EYS: variants seen among roughly 807,000 people sequenced by gnomAD.
The protein encoded by EYS is protein eyes shut homolog.
A neutral mutation model predicts 282.1 loss-of-function variants in EYS; 250 were observed. The ratio of observed to expected loss-of-function variants is 0.89; its 90% CI spans 0.80 to 0.98. The LOEUF (loss-of-function observed/expected upper bound fraction) is 0.98. EYS is among the 50% of genes least tolerant of loss of function. The pLI is 0.00. For synonymous variants in EYS, 1,355 were observed against 1,282.9 expected (o/e 1.06, Z -1.20); for missense variants, 4,016 against 3,709.0 (o/e 1.08, Z -2.15).
chr6:64,568,898 G>A (rs182680963), intron 26 of EYS, among the ~76,000 whole-genome samples: 4 of 151,998 alleles, frequency 2.6e-5, no homozygotes, highest in Non-Finnish European at 5.9e-5. Context: ...GACTGAATGT[G>A]AGAAGGAAAA....
At chr6:65,487,772 T>G (rs12987280) in intron 5 of EYS, among the ~76,000 whole-genome samples, 1 of 152,116 alleles carries the variant, frequency 6.6e-6, no homozygotes, top group Non-Finnish European at 1.5e-5. Flanking sequence ...TTTGTACTTA[T>G]GGTAGAATTT....
chr6:65,258,543 G>C (rs58838044), intron 12 of EYS, among the ~76,000 whole-genome samples: 1 of 151,858 alleles, frequency 6.6e-6, no homozygotes, highest in Admixed American at 6.6e-5. Context: ...CAAGCTGTGG[G>C]GAAGGGGGAG....
At position 63,778,078 on chromosome 6, in the gene EYS, C is replaced by G. The variant is rs755966517; in HGVS notation, c.7826G>C (p.Cys2609Ser). Residue 2609 changes from cysteine to serine, a missense_variant, in exon 40 of 43, where the codon TGT becomes TCT. Physicochemically the swap from Cys to Ser is moderately radical, Grantham distance 112. Transcript: ENST00000503581. ...HPNAGRSVGQ[C>S]HASPCSLMKC... ...CATTAAACTGCAGGGAGAAGCATGA[C>G]ACTGGCCAACACTGCGTCCAGCATT... 4.5e-6 allele frequency: 7 copies of G among 1,551,712 alleles called. No individual in the cohort carries two copies. Among genetic ancestry groups the G allele is most frequent in the Admixed American group, 2.0e-5 (1 of 50,986 alleles).
intron 36 of EYS, among the ~76,000 whole-genome samples, chr6:63,812,258 G>A (rs1771067047): frequency 6.6e-6 from 1 of 152,126 alleles, no homozygotes; most frequent in African/African-American, 2.4e-5. Flanking sequence ...CACACTCCCA[G>A]TTCAAGGCTT....
At position 64,590,501 on chromosome 6, in the gene EYS, G is replaced by A. The variant is rs2149831184; in HGVS notation, c.5366C>T (p.Thr1789Ile). 1 of 1,551,444 alleles carries A rather than the reference G, an allele frequency of 6.4e-7. No individual in the cohort carries two copies. The highest frequency in any genetic ancestry group is 8.7e-7 in the Non-Finnish European group (1 of 1,146,802). ...GSVPDFSEVTTNVAFYTVSAT... is the reference protein window; with the variant it reads ...GSVPDFSEVTINVAFYTVSAT... ...TGAAACTGTATAAAATGCAACATTG[G>A]TGGTGACTTCTGAAAAATCAGGCAC... Residue 1789 changes from threonine (T) to isoleucine (I), a missense_variant, in exon 26 of 43, where the codon ACC (threonine) becomes ATC (isoleucine). Thr to Ile is a moderately conservative substitution (Grantham distance 89). Coordinates refer to ENST00000503581, the MANE Select transcript of EYS (RefSeq NM_001142800.2).
At chr6:64,323,350 G>A (rs780466970) in intron 29 of EYS, among the ~76,000 whole-genome samples, 18 of 151,998 alleles carry the variant, frequency 1.2e-4, no homozygotes, top group Non-Finnish European at 2.6e-4. Context: ...ACATGTATCA[G>A]TATTTCACCC....
intron 10 of EYS, among the ~76,000 whole-genome samples, chr6:65,343,565 A>G (rs1219835964): frequency 6.6e-6 from 1 of 151,254 alleles, no homozygotes; most frequent in Non-Finnish European, 1.5e-5. Context: ...AGGCCTCACA[A>G]TTTTTAGTGA....
At chr6:64,327,885 GGCAACACCAT>G (rs1165343183) in intron 29 of EYS, among the ~76,000 whole-genome samples, 2 of 152,122 alleles carry the variant, frequency 1.3e-5, no homozygotes, top group African/African-American at 4.8e-5. Context: ...GCACCCCTCA[GGCAACACCAT>G]GCAGAGAGGA....
chr6:64,279,492 C>T (rs1449965063), intron 30 of EYS, among the ~76,000 whole-genome samples: 1 of 151,884 alleles, frequency 6.6e-6, no homozygotes, highest in Non-Finnish European at 1.5e-5. Flanking sequence ...TTTCTATCCA[C>T]TTGTAAGGGT....
At chr6:64,025,650 G>A (rs1423319069) in intron 33 of EYS, among the ~76,000 whole-genome samples, 1 of 152,096 alleles carries the variant, frequency 6.6e-6, no homozygotes, top group East Asian at 1.9e-4. Context: ...CGTCATAGTG[G>A]GGACTACCTG....
intron 26 of EYS, among the ~76,000 whole-genome samples, chr6:64,563,297 G>C (rs1463054310): frequency 1.3e-5 from 2 of 151,958 alleles, no homozygotes; most frequent in Non-Finnish European, 2.9e-5. Context: ...CTGATTCAGA[G>C]AACTAGTTTA....
At chr6:65,494,516 C>A in intron 4 of EYS, 147 bp downstream of exon 4, 1 of 651,886 alleles carries the variant, frequency 1.5e-6, no homozygotes. Context: ...CTCCTGACCT[C>A]GTGATCCACC....
At chr6:63,778,228 A>G (rs1175794486) in intron 39 of EYS, 48 bp from the exon 40 acceptor site, 1 of 1,508,740 alleles carries the variant, frequency 6.6e-7, no homozygotes, top group Non-Finnish European at 9.0e-7. Flanking sequence ...GAAGAAATAG[A>G]AAAAACAAGA....
chr6:65,483,677 TAA>T (rs896609671), intron 5 of EYS, among the ~76,000 whole-genome samples: 1 of 152,054 alleles, frequency 6.6e-6, no homozygotes, highest in Non-Finnish European at 1.5e-5. Flanking sequence ...ATGTATCAAA[TAA>T]AGAGATAGAT....
At chr6:64,221,397 T>G (rs4435927) in intron 31 of EYS, among the ~76,000 whole-genome samples, 47,560 of 151,822 alleles carry the variant, frequency 0.31, 7,445 homozygotes, top group East Asian at 0.5. Context: ...TTCATTGTTT[T>G]TCTGCCCTTT....
chr6:63,974,915 AT>A (rs1766759489), intron 35 of EYS, among the ~76,000 whole-genome samples: 1 of 151,982 alleles, frequency 6.6e-6, no homozygotes, highest in Admixed American at 6.6e-5. Flanking sequence ...TTTAAACTGC[AT>A]TTGTACTTTA....
intron 36 of EYS, among the ~76,000 whole-genome samples, chr6:63,809,503 A>T (rs1770986724): frequency 6.6e-6 from 1 of 152,156 alleles, no homozygotes; most frequent in Non-Finnish European, 1.5e-5. Flanking sequence ...ACCATGTGTA[A>T]AGTCATGCAT....
chr6:64,792,711 G>A (rs1444532921), intron 22 of EYS, among the ~76,000 whole-genome samples: 1 of 152,034 alleles, frequency 6.6e-6, no homozygotes, highest in Non-Finnish European at 1.5e-5. Flanking sequence ...TCCAAAAGTT[G>A]TTTATTTATT....
At chr6:64,567,201 A>G (rs1254329601) in intron 26 of EYS, among the ~76,000 whole-genome samples, 2 of 152,216 alleles carry the variant, frequency 1.3e-5, no homozygotes, top group African/African-American at 2.4e-5. Flanking sequence ...AGAAACCAGT[A>G]TTTGTCAACA....
Sources: allele counts gnomAD v4.1 joint callset (sites outside exome capture counted in the v4.1 genomes callset), GRCh38; gene constraint gnomAD v4.1.1; transcripts MANE v1.5; gene names NCBI Gene and HGNC (gene_info 2026-07-23, HGNC 2026-07-21).